TRIOBP: variants seen among roughly 807,000 people sequenced by gnomAD.
TRIOBP encodes TRIO and F-actin-binding protein.
Under a neutral mutation model 238.8 loss-of-function variants are expected in TRIOBP, and 169 were observed. The observed-to-expected ratio is 0.71, with a 90% confidence interval of 0.62 to 0.80. The LOEUF is 0.80. TRIOBP is among the 30% of genes least tolerant of loss of function. The probability of loss-of-function intolerance (pLI) is 0.00; values close to 1 mark genes in which losing one functional copy is unlikely to be tolerated. For synonymous variants in TRIOBP, 1,150 were observed against 1,274.4 expected, an observed-to-expected ratio of 0.90 and a Z score of 2.08; for missense variants, 2,838 against 3,122.6, an observed-to-expected ratio of 0.91 and a Z score of 2.17.
chr22:37,705,682 T>C (rs1239815406), intron 3 of TRIOBP, among the ~76,000 whole-genome samples: 1 of 151,518 alleles, frequency 6.6e-6, no homozygotes, highest in Non-Finnish European at 1.5e-5. Flanking sequence ...TTCAAGCGAT[T>C]CTCCTGCCTC....
intron 7 of TRIOBP, among the ~76,000 whole-genome samples, chr22:37,729,402 G>A (rs533158870): frequency 1.3e-5 from 2 of 152,170 alleles, no homozygotes; most frequent in South Asian, 4.1e-4. Context: ...TTTTTGTAGA[G>A]ATGGAGTCTC....
Position 37,759,748 on chromosome 22 carries a change from A to G in TRIOBP, c.6324+484A>G, listed in dbSNP as rs1405619077. The G allele has an allele frequency of 1.6e-5, 23 of 1,429,906 alleles. No homozygotes were observed. In the South Asian group the frequency reaches 3.0e-4, roughly 19 times the overall value. 88.6% of individuals were successfully genotyped at this position (1,429,906 alleles called of 1,614,324 possible). A position where few individuals can be genotyped will look rare whatever the true frequency, so the allele number is the denominator to read the frequency against. On this transcript the variant is annotated intron_variant, in intron 17 of 23. Transcript: ENST00000644935. ...TCAGAGAATGCACCGTCCGCCTAGG[A>G]CAGCGGTTCTCAACGGGGTCCATTT...
rs1924085707 is a variant in TRIOBP, at chr22:37,725,438, C to T, written c.2882C>T (p.Pro961Leu). Reference protein sequence around the residue: ...SPSRPAQHDPPQSSFGPTQYN... With the variant: ...SPSRPAQHDPLQSSFGPTQYN... ...AGCAGGCCAGCCCAGCATGACCCAC[C>T]CCAGTCCTCCTTTGGCCCCACCCAG... Residue 961 changes from proline to leucine, a missense_variant, in exon 7 of 24, where the codon CCC (proline) becomes CTC (leucine). Transcript: ENST00000644935. 6.2e-7 allele frequency: 1 copy of T among 1,611,484 alleles called. No homozygotes were observed. Among genetic ancestry groups the T allele is most frequent in the Non-Finnish European group, 8.5e-7 (1 of 1,178,418 alleles).
In TRIOBP at chr22:37,741,046, A is replaced by C. The variant is rs752310660; in HGVS notation, c.5322+14A>C. ...AGGTGGCGAAGGGTAGGCTGGCTCC[A>C]GTGGGGACTGGAGGGGTGAGGGTGG... On this transcript the variant is annotated intron_variant, in intron 11 of 23. Coordinates refer to ENST00000644935, the MANE Select transcript of TRIOBP (RefSeq NM_001039141.3). The C allele has an allele frequency of 6.4e-7, 1 of 1,560,060 alleles. No individual in the cohort carries two copies. The highest frequency in any genetic ancestry group is 2.4e-5 in the East Asian group (1 of 42,048).
At chr22:37,755,350 T>C in intron 14 of TRIOBP, 160 bp downstream of exon 14, 2 of 929,300 alleles carry the variant, frequency 2.2e-6, no homozygotes. Flanking sequence ...TGCCAACACT[T>C]AGCATATCTG....
chr22:37,715,504 A>C (rs918826432), intron 5 of TRIOBP, among the ~76,000 whole-genome samples: 6 of 151,378 alleles, frequency 4.0e-5, no homozygotes, highest in Non-Finnish European at 1.5e-5. Flanking sequence ...CACCACGCCC[A>C]GCTAATTTTT....
Position 37,724,862 on chromosome 22 carries a change from G to C in TRIOBP, c.2306G>C (p.Arg769Thr). The C allele has an allele frequency of 6.2e-7, 1 of 1,610,782 alleles. No individual in the cohort carries two copies. The highest frequency in any genetic ancestry group is 1.1e-5 in the South Asian group (1 of 90,942). ...PNRTIQQENL[R>T]TSCTRQDNPR... ...AGAACCATCCAACAAGAGAACCTCAGAACATCCTGTACCCGACAGGACAAT... is the reference window on the plus strand; with the variant it reads ...AGAACCATCCAACAAGAGAACCTCACAACATCCTGTACCCGACAGGACAAT... The change falls in exon 7 of 24, where the codon AGA (arginine) becomes ACA (threonine). Residue 769 changes from arginine (R) to threonine (T), a missense_variant. By Grantham distance (71) the Arg-to-Thr change is moderately conservative. This residue lies in a region of TRIOBP where 2,096 missense variants were observed against 2,137.4 expected (regional missense o/e 0.98). Coordinates refer to ENST00000644935, the MANE Select transcript of TRIOBP (RefSeq NM_001039141.3).
chr22:37,744,281 A>C (rs927783299), intron 11 of TRIOBP, among the ~76,000 whole-genome samples: 1 of 152,048 alleles, frequency 6.6e-6, no homozygotes, highest in Non-Finnish European at 1.5e-5. Context: ...AAGTGCTGAG[A>C]TTACAGGCAT....
At chr22:37,719,628 G>T (rs571308239) in intron 6 of TRIOBP, among the ~76,000 whole-genome samples, 1 of 151,890 alleles carries the variant, frequency 6.6e-6, no homozygotes, top group Non-Finnish European at 1.5e-5. Flanking sequence ...CTGTTTTTTT[G>T]ATGTTCCAGG....
At chr22:37,755,321 T>C in intron 14 of TRIOBP, 131 bp downstream of exon 14, 1 of 1,048,556 alleles carries the variant, frequency 9.5e-7, no homozygotes, top group Non-Finnish European at 1.4e-6. Context: ...AGGCCCTATC[T>C]TCAGAGCCAG....
chr22:37,759,873 T>C (rs1024450382), intron 17 of TRIOBP: 13 of 612,246 alleles, frequency 2.1e-5, no homozygotes, highest in Non-Finnish European at 2.9e-5. Flanking sequence ...TGTACACATA[T>C]ATAAGTTTAT....
intron 11 of TRIOBP, among the ~76,000 whole-genome samples, chr22:37,745,924 G>A (rs1255325331): frequency 6.6e-6 from 1 of 151,888 alleles, no homozygotes; most frequent in African/African-American, 2.4e-5. Context: ...CTCCGCCCCC[G>A]CGCCATTGCC....
At position 37,725,227 on chromosome 22, in the gene TRIOBP, A is replaced by G; in HGVS notation, c.2671A>G (p.Asn891Asp). 1 of 1,614,064 alleles carries G rather than the reference A, an allele frequency of 6.2e-7. No individual in the cohort carries two copies. Among genetic ancestry groups the G allele is most frequent in the Non-Finnish European group, 8.5e-7 (1 of 1,180,006 alleles). ...SSPHRSTQWN[N>D]PRNSSPHRTN... ...TCCCCACCGCTCCACTCAATGGAAC[A>G]ATCCCAGGAATTCATCTCCCCATCG... The change falls in exon 7 of 24, where the codon AAT (asparagine) becomes GAT (aspartate). Residue 891 changes from asparagine to aspartate, a missense_variant. Asn to Asp is a conservative substitution (Grantham distance 23). This residue lies in a region of TRIOBP where 2,096 missense variants were observed against 2,137.4 expected (regional missense o/e 0.98). Coordinates refer to ENST00000644935, the MANE Select transcript of TRIOBP (RefSeq NM_001039141.3).
rs1022102764 is a variant in TRIOBP, at chr22:37,724,591, C to T, written c.2035C>T (p.Arg679Trp). Residue 679 changes from arginine to tryptophan, a missense_variant, in exon 7 of 24, where the codon CGG becomes TGG. This residue lies in a region of TRIOBP where 167 missense variants were observed against 200.2 expected (regional missense o/e 0.83). Transcript: ENST00000644935. ...GAACCCCAGAACATCCTGTGCCCTA[C>T]GGGACAATCCCAGAGCCTCCTCTCC... ...QENPRTSCAL[R>W]DNPRASSPSR... The T allele has an allele frequency of 7.4e-6, 12 of 1,611,242 alleles. 1 individual carries two copies. Among genetic ancestry groups the T allele is most frequent in the South Asian group, 3.3e-5 (3 of 90,850 alleles).
rs765163755 is a variant in TRIOBP, at chr22:37,758,003, C to G, written c.6078C>G (p.Ile2026Met). ...EDQQNRLSEE[I>M]EKKWQELEKL... The stretch of plus-strand genomic sequence containing the variant: ...AGCAAAACCGGCTTAGTGAGGAGAT[C>G]GAGAAGAAGTGGCAGGAGCTGGAGA... The change falls in exon 16 of 24, where the codon ATC becomes ATG. Residue 2026 changes from isoleucine to methionine, a missense_variant. By Grantham distance (10) the Ile-to-Met change is conservative. Around this residue, in one of 5 missense-constraint regions of TRIOBP, gnomAD observed 2,096 missense variants for 2,137.4 expected, o/e 0.98. Transcript: ENST00000644935. 13 of 1,603,778 alleles carry G rather than the reference C, an allele frequency of 8.1e-6. No individual in the cohort carries two copies. The African/African-American group carries it at 1.1e-4, about 13-fold the overall frequency.
At chr22:37,699,330 T>C (rs1471041155) in intron 2 of TRIOBP, among the ~76,000 whole-genome samples, 4 of 151,760 alleles carry the variant, frequency 2.6e-5, no homozygotes, top group Non-Finnish European at 5.9e-5. Context: ...CCTGTGCGAG[T>C]TGGCAGTATG....
At chr22:37,757,431 A>G (rs1306192837) in intron 15 of TRIOBP, among the ~76,000 whole-genome samples, 182 bp from the exon 16 acceptor site, 2 of 152,058 alleles carry the variant, frequency 1.3e-5, no homozygotes, top group African/African-American at 2.4e-5. Context: ...GGCTGTCAAG[A>G]GGTGGAGCTG....
intron 11 of TRIOBP, among the ~76,000 whole-genome samples, chr22:37,743,350 C>T (rs1271522401): frequency 6.6e-6 from 1 of 152,216 alleles, no homozygotes; most frequent in African/African-American, 2.4e-5. Flanking sequence ...TTATTATTCT[C>T]AGTAGAGTAA....
Position 37,725,987 on chromosome 22 carries a change from C to G in TRIOBP, c.3431C>G (p.Thr1144Arg). Residue 1144 changes from threonine to arginine, a missense_variant, in exon 7 of 24, where the codon ACA becomes AGA. Around this residue, in one of 5 missense-constraint regions of TRIOBP, gnomAD observed 2,096 missense variants for 2,137.4 expected, o/e 0.98. Coordinates refer to ENST00000644935, the MANE Select transcript of TRIOBP (RefSeq NM_001039141.3). ...LLFQDLPRASTESLVPSMDSL... is the reference protein window; with the variant it reads ...LLFQDLPRASRESLVPSMDSL... ...TTCCAGGACCTCCCCAGGGCCAGCACAGAGAGCCTTGTCCCTTCCATGGAC... is the reference window on the plus strand; with the variant it reads ...TTCCAGGACCTCCCCAGGGCCAGCAGAGAGAGCCTTGTCCCTTCCATGGAC... The G allele has an allele frequency of 1.2e-6, 2 of 1,610,196 alleles. No homozygotes were observed. The highest frequency in any genetic ancestry group is 8.5e-7 in the Non-Finnish European group (1 of 1,178,914).
Sources: allele counts gnomAD v4.1 joint callset (sites outside exome capture counted in the v4.1 genomes callset), GRCh38; gene constraint gnomAD v4.1.1; regional missense constraint gnomAD v4.1.1; transcripts MANE v1.5; gene names NCBI Gene and HGNC (gene_info 2026-07-23, HGNC 2026-07-21).